The following WNT5B variants were observed in gnomAD, a reference collection of about 807,000 sequenced individuals.
WNT5B encodes the protein Wnt family member 5B, also known as protein Wnt-5b.
In WNT5B, 18 loss-of-function variants were observed where a neutral mutation model predicts 36.5. The observed-to-expected ratio is 0.49, with a 90% CI of 0.34 to 0.73. WNT5B has a LOEUF of 0.73. WNT5B is among the 30% of genes least tolerant of loss of function. The pLI, the probability that WNT5B is intolerant of heterozygous loss-of-function variation, is 0.01. For synonymous variants in WNT5B, 213 were observed against 212.3 expected, an observed-to-expected ratio of 1.00 and a Z score of -0.03; for missense variants, 424 against 508.4, an observed-to-expected ratio of 0.83 and a Z score of 1.60.
At chr12:1,626,047 C>T (rs374575418), upstream of WNT5B, among the ~76,000 whole-genome samples, 47 of 149,778 alleles carry the variant, frequency 3.1e-4, no homozygotes, top group East Asian at 1.8e-3. Context: ...AGCACAATCA[C>T]GACTCACTAC....
Position 1,639,708 on chromosome 12 carries a change from ACGCGGTGAGCGC to A in WNT5B, c.359_370del (p.Val120_Ala123del). On this transcript the variant is annotated inframe_deletion, in exon 4 of 5. Coordinates refer to ENST00000397196, the MANE Select transcript of WNT5B (RefSeq NM_032642.3). ...GGCAGCCGAGAGACCGCCTTCACCC[ACGCGGTGAGCGC>A]CGCGGGCGTGGTCAACGCCATCAGC... 6.3e-7 allele frequency: 1 copy of A among 1,581,470 alleles called. No individual in the cohort carries two copies. The highest frequency in any genetic ancestry group is 8.6e-7 in the Non-Finnish European group (1 of 1,167,608).
intron 2 of WNT5B, 67 bp downstream of exon 2, chr12:1,631,501 G>A (rs2154439564): frequency 6.2e-7 from 1 of 1,609,996 alleles, no homozygotes; most frequent in South Asian, 1.1e-5. Context: ...GAGATGAGGA[G>A]GAAGGGCACC....
At chr12:1,631,923 A>G (rs967511075) in intron 2 of WNT5B, among the ~76,000 whole-genome samples, 4 of 152,218 alleles carry the variant, frequency 2.6e-5, no homozygotes, top group East Asian at 1.9e-4. Flanking sequence ...GGCGATCACC[A>G]CCTATTTTGC....
At chr12:1,620,338 T>C (rs1392962408) in intron 1 of WNT5B, among the ~76,000 whole-genome samples, 2 of 152,276 alleles carry the variant, frequency 1.3e-5, no homozygotes, top group African/African-American at 4.8e-5. Context: ...ATAGTTCATA[T>C]ACTTTCTTGT....
At chr12:1,629,205 T>C (rs535562100), upstream of WNT5B, 3 of 152,330 alleles carry the variant, frequency 2.0e-5, no homozygotes, top group Non-Finnish European at 4.4e-5. Context: ...CTGGCTCTAG[T>C]TACCGTGTCA....
Position 1,632,718 on chromosome 12 carries a change from G to A in WNT5B, c.141G>A (p.Val47=). ...TGTTTATCATCGGTGCCCAGCCCGT[G>A]TGCAGTCAGCTTCCCGGGCTCTCCC... is the stretch of plus-strand genomic sequence containing the variant. The part of the protein sequence containing the change: ...PEMFIIGAQP[V]CSQLPGLSPG... Residue 47 remains valine (V), a synonymous_variant, in exon 3 of 5, where the codon GTG becomes GTA. Coordinates refer to ENST00000397196, the MANE Select transcript of WNT5B (RefSeq NM_032642.3). This position sits in a 1 kb window ranked among gnomAD's most constrained non-coding sequence, Gnocchi z 5.8. The A allele has an allele frequency of 2.5e-6, 4 of 1,613,696 alleles. No individual in the cohort carries two copies. Among genetic ancestry groups the A allele is most frequent in the South Asian group, 1.1e-5 (1 of 91,076 alleles).
intron 3 of WNT5B, among the ~76,000 whole-genome samples, chr12:1,634,675 TC>T (rs1419367537): frequency 2.6e-5 from 4 of 152,024 alleles, no homozygotes; most frequent in Non-Finnish European, 5.9e-5. Context: ...CCTCCCTTCC[TC>T]CCCCCTGAGC....
At chr12:1,639,395 C>G (rs2094569163) in intron 3 of WNT5B, among the ~76,000 whole-genome samples, 2 of 152,176 alleles carry the variant, frequency 1.3e-5, no homozygotes, top group South Asian at 4.1e-4. Context: ...GCCCCGGCCT[C>G]CCAAAGGGCT....
rs1362235060 is a variant in WNT5B, at chr12:1,618,039, G to A, written c.-58+896G>A. On this transcript the variant is annotated intron_variant, in intron 1 of 4. Coordinates refer to the WNT5B transcript ENST00000310594. This position sits in a 1 kb window ranked among gnomAD's most constrained non-coding sequence, Gnocchi z 4.1. ...CACCTGTAGTCCCAGCTACTCAGGA[G>A]GCTGAGGTGGGAGGATCGCTTGAGC... Among the ~76,000 whole-genome samples the A allele has an allele frequency of 6.6e-6, 1 of 152,154 alleles. No homozygotes were observed. Among genetic ancestry groups the A allele is most frequent in the Non-Finnish European group, 1.5e-5 (1 of 68,036 alleles).
At chr12:1,626,403 A>G (rs2154439392), upstream of WNT5B, among the ~76,000 whole-genome samples, 1 of 151,690 alleles carries the variant, frequency 6.6e-6, no homozygotes, top group South Asian at 2.1e-4. Flanking sequence ...AGCTGGGATT[A>G]CAGGTATGTG....
At chr12:1,626,919 A>G (rs1249940142), upstream of WNT5B, among the ~76,000 whole-genome samples, 1 of 152,190 alleles carries the variant, frequency 6.6e-6, no homozygotes, top group Non-Finnish European at 1.5e-5. Context: ...GTGACCAAGT[A>G]AGAGTGCTTT....
intron 4 of WNT5B, among the ~76,000 whole-genome samples, chr12:1,640,997 C>A (rs1251529351): frequency 3.3e-5 from 5 of 152,210 alleles, no homozygotes; most frequent in Admixed American, 3.3e-4. Context: ...GCACGGACTT[C>A]TTTCTTGGAG....
In WNT5B at chr12:1,630,052, G is replaced by C; in HGVS notation, c.-58+681G>C. ...AAAAGGGGGCTTGGGGAAGGGCTGT[G>C]TCCCAGCTCTCCTGGACCCTGCTCG... On this transcript the variant is annotated intron_variant, in intron 1 of 4. Coordinates refer to ENST00000397196, the MANE Select transcript of WNT5B (RefSeq NM_032642.3). This position sits in a 1 kb window ranked among gnomAD's most constrained non-coding sequence, Gnocchi z 5.3. The C allele has an allele frequency of 2.2e-6, 2 of 898,898 alleles. No homozygotes were observed. The highest frequency in any genetic ancestry group is 2.7e-6 in the Non-Finnish European group (2 of 750,794). The allele number at this position is 898,898 out of a possible 1,614,324, so 55.7% of individuals were successfully genotyped here.
At chr12:1,636,167 C>T (rs2094560219) in intron 3 of WNT5B, among the ~76,000 whole-genome samples, 1 of 152,048 alleles carries the variant, frequency 6.6e-6, no homozygotes, top group Non-Finnish European at 1.5e-5. Context: ...TTTCTTATAA[C>T]AGCTTTATTG....
intron 4 of WNT5B, among the ~76,000 whole-genome samples, chr12:1,641,465 A>C (rs2094575198): frequency 6.6e-6 from 1 of 152,098 alleles, no homozygotes; most frequent in African/African-American, 2.4e-5. Context: ...CAGGATATGA[A>C]TATAAGCCTC....
chr12:1,624,083 G>C (rs2094537848), intron 1 of WNT5B, among the ~76,000 whole-genome samples: 1 of 152,254 alleles, frequency 6.6e-6, no homozygotes, highest in African/African-American at 2.4e-5. Context: ...ACAGGGCAAT[G>C]GTGCAACGAA....
In WNT5B at chr12:1,645,795, C is replaced by T; in HGVS notation, c.623C>T (p.Ala208Val). 1 of 1,573,440 alleles carries T rather than the reference C, an allele frequency of 6.4e-7. No individual in the cohort carries two copies. Among genetic ancestry groups the T allele is most frequent in the Non-Finnish European group, 8.6e-7 (1 of 1,157,414 alleles). The stretch of plus-strand genomic sequence containing the variant: ...ACTGCCTTCTTTCTCTTCCCCTAGG[C>T]TGTGTATAAGATGGCAGACGTAGCC... ...NLQNNEAGRR[A>V]VYKMADVACK... Residue 208 changes from alanine (A) to valine (V), a missense_variant and splice_region_variant, in exon 5 of 5, where the codon GCT becomes GTT. Physicochemically the swap from Ala to Val is moderately conservative, Grantham distance 64. Transcript: ENST00000397196.
At chr12:1,623,187 G>GTTGTTTTTTTTTTTTTTTTT (rs1555156806) in intron 1 of WNT5B, among the ~76,000 whole-genome samples, 2 of 58,366 alleles carry the variant, frequency 3.4e-5, no homozygotes, top group African/African-American at 1.4e-4. Context: ...GTTTTTTGTT[G>GTTGTTTTTTTTTTTTTTTTT]TTTTTTTTTT....
intron 1 of WNT5B, among the ~76,000 whole-genome samples, chr12:1,620,140 A>G (rs1232899735): frequency 1.3e-5 from 2 of 152,200 alleles, no homozygotes; most frequent in African/African-American, 2.4e-5. Context: ...ACTGCCACAT[A>G]TCCATCACCA....
Sources: allele counts gnomAD v4.1 joint callset (sites outside exome capture counted in the v4.1 genomes callset), GRCh38; gene constraint gnomAD v4.1.1; non-coding constraint Gnocchi (gnomAD v3.1); transcripts MANE v1.5; gene names NCBI Gene and HGNC (gene_info 2026-07-23, HGNC 2026-07-21).